Variants in PTBP2 observed in about 807,000 individuals in gnomAD.
PTBP2 encodes polypyrimidine tract binding protein 2.
In PTBP2, 13 loss-of-function variants were observed where a neutral mutation model predicts 61.4. The observed-to-expected ratio is 0.21, with a 90% CI of 0.14 to 0.34. PTBP2 has a LOEUF of 0.34. Ranked by LOEUF, PTBP2 falls within the 10% of genes least tolerant of loss-of-function variation. The pLI is 1.00. For missense variants in PTBP2, 405 were observed against 642.6 expected (o/e 0.63, Z 4.00); for synonymous variants, 215 against 218.5 (o/e 0.98, Z 0.14).
At chr1:96,730,979 TTC>T (rs958754177) in intron 2 of PTBP2, among the ~76,000 whole-genome samples, 13 of 152,226 alleles carry the variant, frequency 8.5e-5, no homozygotes, top group African/African-American at 3.1e-4. Flanking sequence ...GGTCATGTTA[TTC>T]TGTCTTGACT....
chr1:96,810,413 T>A (rs1243874269), intron 11 of PTBP2, among the ~76,000 whole-genome samples: 1 of 152,240 alleles, frequency 6.6e-6, no homozygotes, highest in Non-Finnish European at 1.5e-5. Context: ...ACTTAAAAAT[T>A]TTGGTATTCT....
chr1:96,782,199 T>C (rs901004521), intron 7 of PTBP2, among the ~76,000 whole-genome samples: 1 of 151,994 alleles, frequency 6.6e-6, no homozygotes, highest in Non-Finnish European at 1.5e-5. Flanking sequence ...CTGGACAGTA[T>C]ATTGTGTCTT....
chr1:96,741,482 G>C (rs1380313984), intron 2 of PTBP2, among the ~76,000 whole-genome samples: 2 of 151,884 alleles, frequency 1.3e-5, no homozygotes, highest in Admixed American at 1.3e-4. Flanking sequence ...GGTTTGTTGC[G>C]AACTCCCAGG....
rs191541774 is a variant in PTBP2 at position 96,739,058 on chromosome 1, A to G, written c.40-12367A>G. ...GATTAAAAATAACTTTGACAAATGC[A>G]TACAATTTATATGTGTCCCCAAAAG... On this transcript the variant is annotated intron_variant, in intron 2 of 13. Coordinates refer to ENST00000674951, the MANE Select transcript of PTBP2 (RefSeq NM_021190.4). Among the ~76,000 whole-genome samples the G allele has an allele frequency of 8.2e-3, 1,246 of 152,328 alleles. 10 individuals carry two copies. Among genetic ancestry groups the G allele is most frequent in the Admixed American group, 0.014 (221 of 15,300 alleles).
intron 2 of PTBP2, among the ~76,000 whole-genome samples, chr1:96,725,307 T>TG (rs541551457): frequency 1.3e-5 from 2 of 151,318 alleles, no homozygotes; most frequent in South Asian, 4.2e-4. Flanking sequence ...ACCAGTTTTT[T>TG]TTTTTTTTTT....
At chr1:96,765,692 A>T (rs1656602985) in intron 3 of PTBP2, among the ~76,000 whole-genome samples, 2 of 146,188 alleles carry the variant, frequency 1.4e-5, no homozygotes, top group Non-Finnish European at 3.0e-5. Context: ...GCCTGGCAAT[A>T]CAGCAAGACT....
In PTBP2 at chr1:96,742,313, A is replaced by C. The variant is rs370425851; in HGVS notation, c.40-9112A>C. Among the ~76,000 whole-genome samples the C allele has an allele frequency of 7.2e-5, 11 of 152,328 alleles. No individual in the cohort carries two copies. The South Asian group carries it at 2.3e-3, about 32-fold the overall frequency. On this transcript the variant is annotated intron_variant, in intron 2 of 13. Transcript: ENST00000674951. ...ATTTTAAACAGCTTATATGTAAGGG[A>C]TGAGGGAACAGGGATACTTGGACTA...
intron 2 of PTBP2, among the ~76,000 whole-genome samples, chr1:96,728,608 CACTT>C (rs1650926375): frequency 6.6e-6 from 1 of 152,064 alleles, no homozygotes; most frequent in Admixed American, 6.6e-5. Context: ...GTCTTGAAAC[CACTT>C]ACTTAGTCTT....
chr1:96,777,800 T>C, intron 6 of PTBP2, 36 bp from the exon 7 acceptor site: 1 of 1,531,448 alleles, frequency 6.5e-7, no homozygotes, highest in Non-Finnish European at 8.9e-7. Context: ...AATAATATAG[T>C]AAATAAGTAA....
exon 14 of PTBP2, chr1:96,821,929 A>T (rs1484235657): frequency 6.6e-6 from 1 of 151,978 alleles, no homozygotes; most frequent in Non-Finnish European, 1.5e-5. Context: ...CTCCCAGCCT[A>T]TTTGCTAATA....
exon 14 of PTBP2, chr1:96,821,407 A>T (rs919854874): frequency 6.6e-6 from 1 of 151,936 alleles, no homozygotes; most frequent in African/African-American, 2.4e-5. Flanking sequence ...AGTTAACTTT[A>T]TACAGTTAAG....
intron 3 of PTBP2, among the ~76,000 whole-genome samples, chr1:96,766,075 A>T (rs754528317): frequency 2.6e-5 from 4 of 152,208 alleles, no homozygotes; most frequent in Non-Finnish European, 4.4e-5. Context: ...AAGGTCAGTC[A>T]GCAGGAGAAA....
chr1:96,787,656 A>T (rs1659360351), intron 8 of PTBP2, among the ~76,000 whole-genome samples: 1 of 152,230 alleles, frequency 6.6e-6, no homozygotes, highest in Non-Finnish European at 1.5e-5. Flanking sequence ...CACAAGAGAT[A>T]ACCATTTATT....
intron 3 of PTBP2, among the ~76,000 whole-genome samples, chr1:96,764,861 T>A (rs1002219785): frequency 6.6e-6 from 1 of 152,212 alleles, no homozygotes; most frequent in East Asian, 1.9e-4. Flanking sequence ...CTAGGTGCCT[T>A]CTGTGTTTTT....
At chr1:96,754,908 A>G (rs1654987058) in intron 3 of PTBP2, among the ~76,000 whole-genome samples, 1 of 152,180 alleles carries the variant, frequency 6.6e-6, no homozygotes, top group Admixed American at 6.5e-5. Context: ...ATCTCTAGAA[A>G]AAAATACAGA....
At chr1:96,725,644 T>A (rs898096889) in intron 2 of PTBP2, among the ~76,000 whole-genome samples, 1 of 152,188 alleles carries the variant, frequency 6.6e-6, no homozygotes, top group Non-Finnish European at 1.5e-5. Context: ...AAAGTCTGAA[T>A]AATTAAAGTT....
intron 7 of PTBP2, among the ~76,000 whole-genome samples, chr1:96,782,971 A>G (rs540214878): frequency 6.6e-6 from 1 of 152,050 alleles, no homozygotes; most frequent in East Asian, 1.9e-4. Flanking sequence ...CTTACTGTCT[A>G]AACCTTCACT....
intron 1 of PTBP2, among the ~76,000 whole-genome samples, chr1:96,723,217 T>C (rs367996059): frequency 4.6e-5 from 7 of 152,188 alleles, no homozygotes; most frequent in African/African-American, 1.2e-4. Flanking sequence ...GTTTCCTGAT[T>C]CCTGGTTCCT....
intron 2 of PTBP2, 29 bp from the exon 3 acceptor site, chr1:96,751,395 TC>T (rs1654520255): frequency 1.3e-6 from 2 of 1,520,216 alleles, no homozygotes; most frequent in Non-Finnish European, 1.8e-6. Context: ...TTTAAAGATG[TC>T]TTATGCTAAT....
Sources: allele counts gnomAD v4.1 joint callset (sites outside exome capture counted in the v4.1 genomes callset), GRCh38; gene constraint gnomAD v4.1.1; transcripts MANE v1.5; gene names NCBI Gene and HGNC (gene_info 2026-07-23, HGNC 2026-07-21).